ADAMTS12: variants seen among roughly 807,000 people sequenced by gnomAD.
ADAMTS12 encodes the protein ADAM metallopeptidase with thrombospondin type 1 motif 12, also known as A disintegrin and metalloproteinase with thrombospondin motifs 12.
In ADAMTS12, 118 loss-of-function variants were observed where a neutral mutation model predicts 167.8. The observed-to-expected ratio is 0.70, with a 90% confidence interval of 0.61 to 0.82. The LOEUF is 0.82. ADAMTS12 is among the 40% of genes least tolerant of loss of function. The probability of loss-of-function intolerance (pLI) is 0.00; values close to 1 mark genes in which losing one functional copy is unlikely to be tolerated. For missense variants in ADAMTS12, 1,916 were observed against 1,998.8 expected, an observed-to-expected ratio of 0.96 and a Z score of 0.79; for synonymous variants, 704 against 716.9, an observed-to-expected ratio of 0.98 and a Z score of 0.29.
chr5:33,641,975 G>C lies in ADAMTS12; in HGVS notation c.1573-20C>G. On this transcript the variant is annotated intron_variant, in intron 10 of 23. Coordinates refer to ENST00000504830, the MANE Select transcript of ADAMTS12 (RefSeq NM_030955.4). ...ACACCACTGGAAAGGGAAGAGGCAG[G>C]AGATGGCCGTATCAGGAAGGTTACC... is the stretch of plus-strand genomic sequence containing the variant. 1 of 1,595,138 alleles carries C rather than the reference G, an allele frequency of 6.3e-7. No individual in the cohort carries two copies. The highest frequency in any genetic ancestry group is 8.6e-7 in the Non-Finnish European group (1 of 1,167,046).
intron 18 of ADAMTS12, among the ~76,000 whole-genome samples, chr5:33,582,408 A>G (rs188586663): frequency 6.6e-6 from 1 of 151,796 alleles, no homozygotes; most frequent in Admixed American, 6.6e-5. Flanking sequence ...AGGGTCAGCG[A>G]CTCTCAAAAA....
At chr5:33,853,749 T>C (rs538669293) in intron 2 of ADAMTS12, among the ~76,000 whole-genome samples, 70 of 152,352 alleles carry the variant, frequency 4.6e-4, no homozygotes, top group African/African-American at 1.6e-3. Flanking sequence ...ATAGAATTAG[T>C]GTCTGTGTTT....
At chr5:33,780,361 AC>A (rs1406992032) in intron 2 of ADAMTS12, among the ~76,000 whole-genome samples, 1 of 151,942 alleles carries the variant, frequency 6.6e-6, no homozygotes, top group African/African-American at 2.4e-5. Flanking sequence ...TTTTTTTTTG[AC>A]ACTAGAATTC....
intron 2 of ADAMTS12, among the ~76,000 whole-genome samples, chr5:33,772,782 A>G (rs1745793560): frequency 6.6e-6 from 1 of 152,214 alleles, no homozygotes; most frequent in Non-Finnish European, 1.5e-5. Flanking sequence ...AAGCACCACT[A>G]TTTGAAGCTC....
chr5:33,798,039 G>C (rs923450853), intron 2 of ADAMTS12, among the ~76,000 whole-genome samples: 1 of 152,128 alleles, frequency 6.6e-6, no homozygotes, highest in Non-Finnish European at 1.5e-5. Context: ...AGCATCTTCA[G>C]TGATGAATTC....
chr5:33,873,646 G>A (rs756375435), intron 2 of ADAMTS12, among the ~76,000 whole-genome samples: 22 of 152,036 alleles, frequency 1.4e-4, no homozygotes, highest in Non-Finnish European at 2.2e-4. Flanking sequence ...TGACACTATC[G>A]GACTTCAAGA....
intron 2 of ADAMTS12, among the ~76,000 whole-genome samples, chr5:33,853,301 G>C (rs962825687): frequency 4.6e-5 from 7 of 152,142 alleles, no homozygotes; most frequent in African/African-American, 1.7e-4. Context: ...GTCTGTCCCA[G>C]CCCTTCTGTG....
intron 3 of ADAMTS12, among the ~76,000 whole-genome samples, chr5:33,708,132 CA>C (rs1743264593): frequency 6.6e-6 from 1 of 152,116 alleles, no homozygotes; most frequent in African/African-American, 2.4e-5. Flanking sequence ...AAAAAGTGGG[CA>C]AAGGATATGA....
intron 13 of ADAMTS12, 152 bp from the exon 14 acceptor site, chr5:33,624,503 AG>A: frequency 1.7e-6 from 2 of 1,146,560 alleles, no homozygotes; most frequent in Non-Finnish European, 2.4e-6. Context: ...TGGCAGCAAG[AG>A]GAATATCCAA....
chr5:33,810,012 G>A (rs1278712071), intron 2 of ADAMTS12, among the ~76,000 whole-genome samples: 1 of 144,052 alleles, frequency 6.9e-6, no homozygotes, highest in Non-Finnish European at 1.5e-5. Flanking sequence ...CAGATTAGAA[G>A]CACTGAAAAT....
intron 2 of ADAMTS12, among the ~76,000 whole-genome samples, chr5:33,825,067 T>C (rs1313280527): frequency 6.6e-6 from 1 of 152,180 alleles, no homozygotes; most frequent in Non-Finnish European, 1.5e-5. Context: ...CCACTAAGAT[T>C]TGGCAGCTGT....
intron 2 of ADAMTS12, among the ~76,000 whole-genome samples, chr5:33,828,828 T>C (rs368224715): frequency 6.6e-6 from 1 of 152,198 alleles, no homozygotes; most frequent in African/African-American, 2.4e-5. Context: ...AGGATCTTGT[T>C]GGTGGAGAAG....
chr5:33,789,398 A>G (rs76522020), intron 2 of ADAMTS12, among the ~76,000 whole-genome samples: 214 of 152,364 alleles, frequency 1.4e-3, no homozygotes, highest in African/African-American at 5.0e-3. Flanking sequence ...GAGATGGAAC[A>G]GCCACCATTG....
At chr5:33,595,441 C>T (rs531511641) in intron 17 of ADAMTS12, among the ~76,000 whole-genome samples, 130 of 152,288 alleles carry the variant, frequency 8.5e-4, no homozygotes, top group Admixed American at 2.0e-3. Context: ...CTGCAATTCA[C>T]GGACAGCCCC....
rs181974645 is a variant in ADAMTS12, at chr5:33,621,184, G to A, written c.2143+3047C>T. On this transcript the variant is annotated intron_variant, in intron 14 of 23. Transcript: ENST00000504830. The stretch of plus-strand genomic sequence containing the variant: ...GGAGGCCGAGATGGGTGGATCATGA[G>A]GTCAGGAGTTTGAGACCAGCCTGGC... Among the ~76,000 whole-genome samples, 26 of 152,176 alleles carry A rather than the reference G, an allele frequency of 1.7e-4. No homozygotes were observed. The East Asian group carries it at 4.8e-3, about 28-fold the overall frequency.
chr5:33,584,939 G>C (rs184376294), intron 18 of ADAMTS12, among the ~76,000 whole-genome samples: 214 of 152,308 alleles, frequency 1.4e-3, no homozygotes, highest in African/African-American at 5.1e-3. Flanking sequence ...CCAGAACTAA[G>C]ATGGTTTCTC....
chr5:33,766,303 T>A (rs1174533998), intron 2 of ADAMTS12, among the ~76,000 whole-genome samples: 10 of 152,180 alleles, frequency 6.6e-5, no homozygotes, highest in Non-Finnish European at 2.9e-5. Flanking sequence ...TCTGCTGTGT[T>A]CTTCTCCAAA....
chr5:33,835,127 CA>C (rs1748459465), intron 2 of ADAMTS12, among the ~76,000 whole-genome samples: 1 of 152,154 alleles, frequency 6.6e-6, no homozygotes, highest in East Asian at 1.9e-4. Context: ...AATGAGGAAA[CA>C]GAGAAGTTAC....
chr5:33,767,132 G>A (rs1053585150), intron 2 of ADAMTS12, among the ~76,000 whole-genome samples: 1 of 152,046 alleles, frequency 6.6e-6, no homozygotes, highest in Admixed American at 6.5e-5. Flanking sequence ...CATTTTTAAC[G>A]ACATGGAAAA....
Sources: allele counts gnomAD v4.1 joint callset (sites outside exome capture counted in the v4.1 genomes callset), GRCh38; gene constraint gnomAD v4.1.1; transcripts MANE v1.5; gene names NCBI Gene and HGNC (gene_info 2026-07-23, HGNC 2026-07-21).